The following CCSER1 variants were observed in gnomAD, a reference collection of about 807,000 sequenced individuals.
CCSER1 encodes serine-rich coiled-coil domain-containing protein 1.
In CCSER1, 41 loss-of-function variants were observed where a neutral mutation model predicts 82.0. The observed-to-expected ratio is 0.50, with a 90% CI of 0.39 to 0.65. CCSER1 has a LOEUF of 0.65. Among genes scored for constraint, CCSER1 ranks in the 30% least tolerant of loss-of-function variants. The pLI, the probability that CCSER1 is intolerant of heterozygous loss-of-function variation, is 0.00. For missense variants in CCSER1, 1,119 were observed against 1,064.2 expected (o/e 1.05, Z -0.72); for synonymous variants, 414 against 383.9 (o/e 1.08, Z -0.92).
At chr4:90,143,074 T>C (rs928559722) in intron 1 of CCSER1, among the ~76,000 whole-genome samples, 1 of 152,224 alleles carries the variant, frequency 6.6e-6, no homozygotes, top group Non-Finnish European at 1.5e-5. Flanking sequence ...TACTTTTTTG[T>C]ACATTGGGCT....
At chr4:90,409,546 G>A (rs1189579999) in intron 4 of CCSER1, among the ~76,000 whole-genome samples, 1 of 152,082 alleles carries the variant, frequency 6.6e-6, no homozygotes, top group Admixed American at 6.6e-5. Context: ...CATAAGTGAA[G>A]GAGAAATAAA....
At chr4:90,706,342 A>T (rs1292183284) in intron 6 of CCSER1, among the ~76,000 whole-genome samples, 1 of 152,124 alleles carries the variant, frequency 6.6e-6, no homozygotes, top group African/African-American at 2.4e-5. Flanking sequence ...GCACTTTTGG[A>T]GGTTAAGGCG....
intron 9 of CCSER1, among the ~76,000 whole-genome samples, chr4:91,009,360 A>G (rs1408665403): frequency 6.6e-6 from 1 of 151,664 alleles, no homozygotes; most frequent in African/African-American, 2.4e-5. Flanking sequence ...CTATTTCTTT[A>G]CCTCCTGTTT....
chr4:90,920,034 T>A (rs1728144813), intron 8 of CCSER1, among the ~76,000 whole-genome samples: 1 of 151,906 alleles, frequency 6.6e-6, no homozygotes, highest in Admixed American at 6.6e-5. Context: ...TTGAGTTGTT[T>A]TAATTCTTCA....
intron 1 of CCSER1, among the ~76,000 whole-genome samples, chr4:90,216,346 G>A (rs1741026997): frequency 6.6e-6 from 1 of 152,170 alleles, no homozygotes; most frequent in Admixed American, 6.5e-5. Flanking sequence ...CATAATATAG[G>A]AAAGACTCAA....
chr4:90,880,987 C>T (rs371028336), intron 8 of CCSER1, among the ~76,000 whole-genome samples: 15 of 151,336 alleles, frequency 9.9e-5, no homozygotes, highest in African/African-American at 1.5e-4. Context: ...TGCCCCTCTC[C>T]GAGAGAGCCA....
intron 9 of CCSER1, among the ~76,000 whole-genome samples, chr4:91,062,857 A>G (rs1019804566): frequency 1.3e-5 from 2 of 152,076 alleles, no homozygotes; most frequent in African/African-American, 4.8e-5. Context: ...GAAATATTAC[A>G]TACCCCTTAA....
At chr4:91,559,823 A>T (rs1400300028) in intron 10 of CCSER1, among the ~76,000 whole-genome samples, 1 of 151,452 alleles carries the variant, frequency 6.6e-6, no homozygotes, top group Non-Finnish European at 1.5e-5. Flanking sequence ...ATCATATTGT[A>T]ATATCTTAAC....
Position 90,833,690 on chromosome 4 carries a change from C to T in CCSER1, c.2094+17845C>T, listed in dbSNP as rs1398887122. Among the ~76,000 whole-genome samples, 3 of 152,142 alleles carry T rather than the reference C, an allele frequency of 2.0e-5. No individual in the cohort carries two copies. The East Asian group carries it at 5.8e-4, about 29-fold the overall frequency. On this transcript the variant is annotated intron_variant, in intron 8 of 10. Coordinates refer to ENST00000509176, the MANE Select transcript of CCSER1 (RefSeq NM_001145065.2). ...TGCATTATTCTTAGTAGACAAAATA[C>T]ATTTGTAATCTCTCAATTAAACAAA...
intron 10 of CCSER1, among the ~76,000 whole-genome samples, chr4:91,201,892 G>C (rs1175431056): frequency 1.3e-5 from 2 of 151,890 alleles, no homozygotes; most frequent in Non-Finnish European, 2.9e-5. Context: ...GCCAAATATG[G>C]TTATTAACAA....
At chr4:91,108,265 G>A (rs1460229074) in intron 10 of CCSER1, among the ~76,000 whole-genome samples, 1 of 152,062 alleles carries the variant, frequency 6.6e-6, no homozygotes, top group East Asian at 1.9e-4. Flanking sequence ...ATAGAGACAG[G>A]GATCAGATAA....
chr4:90,707,079 C>T (rs1303117564), intron 6 of CCSER1, among the ~76,000 whole-genome samples: 3 of 152,138 alleles, frequency 2.0e-5, no homozygotes, highest in Non-Finnish European at 4.4e-5. Flanking sequence ...CTTGCTACCC[C>T]TCTTCATTGT....
chr4:91,593,989 T>G (rs546679864), intron 10 of CCSER1, among the ~76,000 whole-genome samples: 15 of 152,276 alleles, frequency 9.9e-5, no homozygotes, highest in Non-Finnish European at 2.1e-4. Flanking sequence ...ATGAACTTAT[T>G]ATAATGTGCA....
intron 9 of CCSER1, among the ~76,000 whole-genome samples, chr4:91,005,627 G>T (rs918854483): frequency 4.6e-5 from 7 of 152,110 alleles, no homozygotes; most frequent in Non-Finnish European, 7.4e-5. Flanking sequence ...TATGCATATT[G>T]TTGTACAGCA....
chr4:90,939,616 G>A (rs1731359768), intron 9 of CCSER1, among the ~76,000 whole-genome samples: 1 of 152,130 alleles, frequency 6.6e-6, no homozygotes, highest in African/African-American at 2.4e-5. Context: ...AAGAAAGCAG[G>A]TTTTACTGAG....
At chr4:91,208,234 A>C (rs1313691030) in intron 10 of CCSER1, among the ~76,000 whole-genome samples, 2 of 151,660 alleles carry the variant, frequency 1.3e-5, no homozygotes, top group Non-Finnish European at 3.0e-5. Context: ...CGCTTTAATT[A>C]GGCCCCATTT....
intron 10 of CCSER1, among the ~76,000 whole-genome samples, chr4:91,357,934 C>T (rs10011418): frequency 0.69 from 92,102 of 133,904 alleles, 31,567 homozygotes; most frequent in East Asian, 0.89. Flanking sequence ...TTAAAGCAAA[C>T]TTTCTTTATG....
chr4:91,205,619 CCTTCCCTCCCTT>C (rs1395814147), intron 10 of CCSER1, among the ~76,000 whole-genome samples: 1 of 151,258 alleles, frequency 6.6e-6, no homozygotes, highest in Non-Finnish European at 1.5e-5. Context: ...TTTCCTTCCT[CCTTCCCTCCCTT>C]CTTCCCTATC....
chr4:91,264,216 G>A (rs1741400369), intron 10 of CCSER1, among the ~76,000 whole-genome samples: 1 of 151,518 alleles, frequency 6.6e-6, no homozygotes, highest in African/African-American at 2.4e-5. Context: ...TATTAACAAA[G>A]AACTGTAAAG....
Sources: allele counts gnomAD v4.1 joint callset (sites outside exome capture counted in the v4.1 genomes callset), GRCh38; gene constraint gnomAD v4.1.1; transcripts MANE v1.5; gene names NCBI Gene and HGNC (gene_info 2026-07-23, HGNC 2026-07-21).